Variants in ANKMY1 observed in about 807,000 individuals in gnomAD.
ANKMY1 encodes ankyrin repeat and MYND domain containing 1, also known as ankyrin repeat and MYND domain-containing protein 1.
Under a neutral mutation model 102.0 loss-of-function variants are expected in ANKMY1, and 98 were observed. The ratio of observed to expected loss-of-function variants is 0.96; its 90% CI spans 0.82 to 1.14. The LOEUF (loss-of-function observed/expected upper bound fraction) is 1.14. ANKMY1 is among the 50% of genes most tolerant of loss of function. The pLI is 0.00. For missense variants in ANKMY1, 1,330 were observed against 1,347.6 expected, an observed-to-expected ratio of 0.99 and a Z score of 0.20; for synonymous variants, 582 against 559.9, an observed-to-expected ratio of 1.04 and a Z score of -0.56.
At chr2:240,518,706 G>A (rs2081601093) in intron 9 of ANKMY1, among the ~76,000 whole-genome samples, 1 of 152,210 alleles carries the variant, frequency 6.6e-6, no homozygotes, top group African/African-American at 2.4e-5. Context: ...ATGAACAGGT[G>A]AATAAACATG....
Position 240,479,649 on chromosome 2 carries a change from T to A in ANKMY1, c.3053A>T (p.Gln1018Leu). Reference sequence around the variant, plus strand: ...TCTCCTCCTGGAAACTTGCTCCAGTTGTGTCACTGGAGGAGGAAAAGGTGT... The same window carrying A: ...TCTCCTCCTGGAAACTTGCTCCAGTAGTGTCACTGGAGGAGGAAAAGGTGT... ...DCGDLVAIVT[Q>L]LEQVSRRREE... Residue 1018 changes from glutamine to leucine, a missense_variant, in exon 18 of 18, where the codon CAA becomes CTA. Gln to Leu is a moderately radical substitution (Grantham distance 113). Coordinates refer to ENST00000401804, the MANE Select transcript of ANKMY1 (RefSeq NM_001282771.3). 6.2e-7 allele frequency: 1 copy of A among 1,613,534 alleles called. No homozygotes were observed. The highest frequency in any genetic ancestry group is 8.5e-7 in the Non-Finnish European group (1 of 1,179,924).
the ANKMY1 span, among the ~76,000 whole-genome samples, chr2:240,471,316 T>C: frequency 6.8e-6 from 1 of 148,056 alleles, no homozygotes; most frequent in Non-Finnish European, 1.5e-5. Context: ...TGGAGTGCAG[T>C]GGTGTGATCT....
At chr2:240,478,644 G>A (rs1240662308), downstream of ANKMY1, among the ~76,000 whole-genome samples, 1 of 152,088 alleles carries the variant, frequency 6.6e-6, no homozygotes, top group Admixed American at 6.5e-5. Flanking sequence ...CAGGCTCACT[G>A]CTGACCCCTT....
intron 4 of ANKMY1, among the ~76,000 whole-genome samples, chr2:240,547,082 C>A (rs1209379953): frequency 6.6e-6 from 1 of 152,112 alleles, no homozygotes; most frequent in African/African-American, 2.4e-5. Context: ...CACACCACAC[C>A]TATTCCAAAA....
chr2:240,558,948 T>C (rs2092702715), upstream of ANKMY1, among the ~76,000 whole-genome samples: 1 of 152,182 alleles, frequency 6.6e-6, no homozygotes, highest in Non-Finnish European at 1.5e-5. Context: ...GTCTATTATT[T>C]CTCTAAAAAC....
In ANKMY1 at chr2:240,497,835, G is replaced by T. The variant is rs551931537; in HGVS notation, c.2806+2123C>A. Among the ~76,000 whole-genome samples the T allele has an allele frequency of 2.6e-5, 4 of 152,324 alleles. No individual in the cohort carries two copies. In the East Asian group the frequency reaches 7.7e-4, roughly 29 times the overall value. On this transcript the variant is annotated intron_variant, in intron 15 of 17. Coordinates refer to ENST00000401804, the MANE Select transcript of ANKMY1 (RefSeq NM_001282771.3). ...CACTGAGCCAAGGCTGTGGAGCTGGGGGTCGGGACAATGGGATACTTCTCC... is the reference window on the plus strand; with the variant it reads ...CACTGAGCCAAGGCTGTGGAGCTGGTGGTCGGGACAATGGGATACTTCTCC...
intron 15 of ANKMY1, among the ~76,000 whole-genome samples, chr2:240,487,600 A>T (rs914891937): frequency 6.6e-6 from 1 of 152,152 alleles, no homozygotes; most frequent in Non-Finnish European, 1.5e-5. Context: ...AGCATATAAG[A>T]GTTCCCTTTC....
intron 4 of ANKMY1, among the ~76,000 whole-genome samples, chr2:240,536,075 G>A (rs1022064261): frequency 2.0e-5 from 3 of 152,122 alleles, no homozygotes; most frequent in African/African-American, 7.2e-5. Flanking sequence ...TCTAGAGCCT[G>A]AACACTAAGC....
chr2:240,544,946 T>C (rs1485349152), intron 4 of ANKMY1, among the ~76,000 whole-genome samples: 1 of 152,222 alleles, frequency 6.6e-6, no homozygotes, highest in Non-Finnish European at 1.5e-5. Context: ...GCGCCCGCCA[T>C]TGCCCAGGCT....
Position 240,520,016 on chromosome 2 carries a change from G to C in ANKMY1, c.2004+346C>G, listed in dbSNP as rs888759488. On this transcript the variant is annotated intron_variant, in intron 9 of 17. Transcript: ENST00000401804. The surrounding 1 kb of genome is among the most constrained non-coding windows in gnomAD (Gnocchi z 4.8). ...CCTGCCTGCGTCCTTGTGATGCTGA[G>C]CGTGGGTTGAAAGGAGGCCCGCCTC... is the stretch of plus-strand genomic sequence containing the variant. 1.9e-6 allele frequency: 1 copy of C among 517,322 alleles called. No homozygotes were observed. Among genetic ancestry groups the C allele is most frequent in the Non-Finnish European group, 3.9e-6 (1 of 256,126 alleles). The allele number at this position is 517,322 out of a possible 1,614,324, so 32.0% of individuals were successfully genotyped here. A position where few individuals can be genotyped will look rare whatever the true frequency, so the allele number is the denominator to read the frequency against.
intron 4 of ANKMY1, among the ~76,000 whole-genome samples, chr2:240,544,436 G>A (rs894830059): frequency 1.3e-5 from 2 of 152,192 alleles, no homozygotes; most frequent in Non-Finnish European, 2.9e-5. Flanking sequence ...AAACCTGATA[G>A]AACATTGGAG....
intron 13 of ANKMY1, 24 bp downstream of exon 13, chr2:240,507,536 C>T (rs200108704): frequency 1.6e-5 from 26 of 1,590,288 alleles, no homozygotes; most frequent in Non-Finnish European, 2.1e-5. Flanking sequence ...CTCACCAGGG[C>T]CACCCCAGCC....
At chr2:240,507,896 G>A (rs996393577) in intron 12 of ANKMY1, 1 of 508,522 alleles carries the variant, frequency 2.0e-6, no homozygotes, top group Non-Finnish European at 3.2e-6. Flanking sequence ...GCGGGGAGGG[G>A]TCCCATGGCT....
Position 240,526,373 on chromosome 2 carries a change from A to T in ANKMY1, c.1026T>A (p.Cys342Ter). The T allele has an allele frequency of 6.2e-7, 1 of 1,614,224 alleles. No individual in the cohort carries two copies. The highest frequency in any genetic ancestry group is 1.3e-5 in the African/African-American group (1 of 75,064). The change falls in exon 6 of 18, where the codon TGT becomes TGA. Residue 342 changes from cysteine (C) to a stop codon, truncating the protein, a stop_gained. Transcript: ENST00000401804. LOFTEE classifies it high-confidence loss of function. Reference sequence around the variant, plus strand: ...CCATGGAAAGTTGCTCTTTGGGCCCACAGGGTGCAAAGCCACTGCGCTTCC... The same window carrying T: ...CCATGGAAAGTTGCTCTTTGGGCCCTCAGGGTGCAAAGCCACTGCGCTTCC... ...LEGKRSGFAPCGPKEQLSMEM... is the reference protein window; with the variant it reads ...LEGKRSGFAP
intron 5 of ANKMY1, 42 bp downstream of exon 5, chr2:240,528,995 C>A (rs373369817): frequency 3.8e-6 from 6 of 1,584,904 alleles, no homozygotes; most frequent in Non-Finnish European, 5.2e-6. Flanking sequence ...GCAGCCTGCA[C>A]AGTGCACGGC....
At position 240,529,390 on chromosome 2, in the gene ANKMY1, A is replaced by G; in HGVS notation, c.600T>C (p.Ser200=). 6.2e-7 allele frequency: 1 copy of G among 1,614,180 alleles called. No individual in the cohort carries two copies. Among genetic ancestry groups the G allele is most frequent in the Non-Finnish European group, 8.5e-7 (1 of 1,180,028 alleles). The change falls in exon 5 of 18, where the codon AGT becomes AGC. Residue 200 remains serine, a synonymous_variant. Transcript: ENST00000401804. This position sits in a 1 kb window ranked among gnomAD's most constrained non-coding sequence, Gnocchi z 4.2. The stretch of plus-strand genomic sequence containing the variant: ...CAGGGTATCTGAGGAGGGAGAAGCC[A>G]CTGGGGATCTGGGTGCACAGCTTGA... ...QLIKLCTQIP[S]GFSLLRYPEF...
intron 8 of ANKMY1, 126 bp downstream of exon 8, chr2:240,523,759 C>G: frequency 7.1e-7 from 1 of 1,408,448 alleles, no homozygotes; most frequent in Non-Finnish European, 9.5e-7. Flanking sequence ...GATGCTCACA[C>G]ATTCAGACAC....
chr2:240,502,122 G>C (rs2152061036), intron 13 of ANKMY1, among the ~76,000 whole-genome samples: 1 of 152,190 alleles, frequency 6.6e-6, no homozygotes. Context: ...GGTGGATGAT[G>C]GATCGACCTT....
At chr2:240,553,254 A>G in intron 3 of ANKMY1, 197 bp from the exon 4 acceptor site, 2 of 621,034 alleles carry the variant, frequency 3.2e-6, no homozygotes, top group Non-Finnish European at 2.8e-6. Context: ...AGTCAGCCTG[A>G]TAGCCAGGCT....
Sources: gnomAD v4.1 joint callset for allele counts (sites outside exome capture counted in the v4.1 genomes callset) on GRCh38, gnomAD v4.1.1 for gene constraint, Gnocchi (gnomAD v3.1) non-coding constraint, MANE v1.5 for transcripts, NCBI Gene and HGNC (gene_info 2026-07-23, HGNC 2026-07-21) for gene names.